FBN1: variants seen among roughly 807,000 people sequenced by gnomAD.
FBN1 encodes fibrillin-1.
FBN1 carries 29 observed loss-of-function variants against 365.1 expected under a neutral mutation model. That is an observed-to-expected ratio of 0.08 (90% CI 0.06 to 0.11). FBN1 has a LOEUF of 0.11. Ranked by LOEUF, FBN1 falls within the 10% of genes least tolerant of loss-of-function variation. The pLI is 1.00. For synonymous variants in FBN1, 1,210 were observed against 1,270.5 expected (o/e 0.95, Z 1.01); for missense variants, 2,476 against 3,703.2 (o/e 0.67, Z 8.60).
At chr15:48,421,181 A>G (rs2042938750) in intron 62 of FBN1, among the ~76,000 whole-genome samples, 1 of 152,152 alleles carries the variant, frequency 6.6e-6, no homozygotes, top group South Asian at 2.1e-4. Context: ...ATTAAATGTC[A>G]TCAGAAGAGC....
At chr15:48,455,777 T>C (rs1258337024) in intron 44 of FBN1, among the ~76,000 whole-genome samples, 2 of 152,226 alleles carry the variant, frequency 1.3e-5, no homozygotes, top group African/African-American at 4.8e-5. Context: ...TTAACAAGTA[T>C]GTGGTTAGGA....
intron 12 of FBN1, among the ~76,000 whole-genome samples, chr15:48,515,049 A>G (rs1013007157): frequency 1.3e-5 from 2 of 152,186 alleles, no homozygotes; most frequent in Non-Finnish European, 2.9e-5. Context: ...AGCCAGAGAG[A>G]GACAAAGAGA....
rs2042855174 is a variant in FBN1 at position 48,410,894 on chromosome 15, T to C, written c.*96A>G. 17 of 1,198,414 alleles carry C rather than the reference T, an allele frequency of 1.4e-5. No homozygotes were observed. The highest frequency in any genetic ancestry group is 1.4e-5 in the Non-Finnish European group (12 of 837,480). 74.2% of individuals were successfully genotyped at this position (1,198,414 alleles called of 1,614,324 possible). ...TTATACAAATTTACTTGGTGAAAGATTGTACCTATGATATGATGATTCTGA... is the reference window on the plus strand; with the variant it reads ...TTATACAAATTTACTTGGTGAAAGACTGTACCTATGATATGATGATTCTGA... On this transcript the variant is annotated 3_prime_UTR_variant, in exon 66 of 66. Coordinates refer to ENST00000316623, the MANE Select transcript of FBN1 (RefSeq NM_000138.5).
At chr15:48,491,519 T>A (rs1428799663) in intron 24 of FBN1, among the ~76,000 whole-genome samples, 1 of 152,028 alleles carries the variant, frequency 6.6e-6, no homozygotes, top group Admixed American at 6.6e-5. Flanking sequence ...CCTGGCTACT[T>A]TTTTTGTATT....
rs2042838643 is a variant in FBN1, at chr15:48,408,834, C to T, written c.*2156G>A. On this transcript the variant is annotated 3_prime_UTR_variant, in exon 66 of 66. Transcript: ENST00000316623. ...CACTGTGTGCCAACTCCATTTTCCCCTGTTGTTTGTTATAAAGAAAATCCG... is the reference window on the plus strand; with the variant it reads ...CACTGTGTGCCAACTCCATTTTCCCTTGTTGTTTGTTATAAAGAAAATCCG... 6.6e-6 allele frequency: 1 copy of T among 152,574 alleles called. No individual in the cohort carries two copies. Among genetic ancestry groups the T allele is most frequent in the South Asian group, 2.1e-4 (1 of 4,830 alleles). 9.5% of individuals were successfully genotyped at this position (152,574 alleles called of 1,614,324 possible).
intron 6 of FBN1, among the ~76,000 whole-genome samples, chr15:48,590,611 A>G (rs1301176577): frequency 2.0e-5 from 3 of 152,212 alleles, no homozygotes. Flanking sequence ...CAATCAACCT[A>G]GCTGTTGTTT....
At chr15:48,575,917 C>G (rs2044343418) in intron 6 of FBN1, among the ~76,000 whole-genome samples, 2 of 151,908 alleles carry the variant, frequency 1.3e-5, no homozygotes, top group African/African-American at 4.8e-5. Context: ...AACTGGAAAG[C>G]ATTATCCTAA....
At chr15:48,640,757 G>T (rs1279791563) in intron 2 of FBN1, among the ~76,000 whole-genome samples, 1 of 152,202 alleles carries the variant, frequency 6.6e-6, no homozygotes, top group African/African-American at 2.4e-5. Context: ...CTTCTCCAAG[G>T]TTTGGGAAAG....
intron 4 of FBN1, among the ~76,000 whole-genome samples, chr15:48,600,922 G>A (rs2044560505): frequency 6.6e-6 from 1 of 152,096 alleles, no homozygotes; most frequent in African/African-American, 2.4e-5. Flanking sequence ...ATGGCACAGG[G>A]GAACAGTTAA....
chr15:48,427,446 G>T, intron 58 of FBN1, 121 bp downstream of exon 58: 1 of 1,023,198 alleles, frequency 9.8e-7, no homozygotes, highest in African/African-American at 1.6e-5. Context: ...AATTTTTGTT[G>T]GCCTCAGCTG....
Position 48,430,989 on chromosome 15 carries a change from T to C in FBN1, c.6740-187A>G, listed in dbSNP as rs73392136. On this transcript the variant is annotated intron_variant, in intron 55 of 65. Transcript: ENST00000316623. ...ATGGAAAGGAATCTTCTAACCACCT[T>C]TGAACTTGAAGAAATTGCTCCCTAA... 7.1e-3 allele frequency among the ~76,000 whole-genome samples: 1,083 copies of C among 152,288 alleles called. 17 individuals are homozygous for C. The highest frequency in any genetic ancestry group is 0.025 in the African/African-American group (1,058 of 41,568).
chr15:48,462,425 T>A (rs1457686981), intron 42 of FBN1, among the ~76,000 whole-genome samples: 4 of 152,204 alleles, frequency 2.6e-5, no homozygotes, highest in Non-Finnish European at 5.9e-5. Flanking sequence ...TATCTCGATC[T>A]CAATATCAAG....
chr15:48,427,456 G>A, intron 58 of FBN1, 111 bp downstream of exon 58: 1 of 1,136,502 alleles, frequency 8.8e-7, no homozygotes, highest in South Asian at 1.3e-5. Flanking sequence ...GGCCTCAGCT[G>A]TGCAATTCAA....
chr15:48,529,173 T>G (rs1447536533), intron 8 of FBN1: 1 of 152,226 alleles, frequency 6.6e-6, no homozygotes, highest in Non-Finnish European at 1.5e-5. Flanking sequence ...GAGTGGTGCT[T>G]GGCTGGGAAG....
chr15:48,512,645 G>A (rs564674957), intron 13 of FBN1, among the ~76,000 whole-genome samples: 18 of 152,262 alleles, frequency 1.2e-4, no homozygotes, highest in Non-Finnish European at 1.9e-4. Flanking sequence ...TCCCTGCAAC[G>A]GACATGATCT....
intron 38 of FBN1, among the ~76,000 whole-genome samples, chr15:48,466,656 A>G (rs1255668489): frequency 6.6e-6 from 1 of 152,066 alleles, no homozygotes; most frequent in Non-Finnish European, 1.5e-5. Flanking sequence ...ACACATGCCT[A>G]TATGTATATA....
chr15:48,640,592 T>A (rs1250567553), intron 2 of FBN1, among the ~76,000 whole-genome samples: 1 of 152,126 alleles, frequency 6.6e-6, no homozygotes, highest in African/African-American at 2.4e-5. Context: ...TATGAACTGT[T>A]CCATGTGTAT....
chr15:48,537,896 T>C, intron 6 of FBN1, 88 bp from the exon 7 acceptor site: 1 of 1,325,644 alleles, frequency 7.5e-7, no homozygotes, highest in Non-Finnish European at 1.1e-6. Flanking sequence ...CTTGCTTGAC[T>C]CCAAATTGAG....
At chr15:48,437,703 T>C in intron 51 of FBN1, 65 bp downstream of exon 51, 7 of 1,544,280 alleles carry the variant, frequency 4.5e-6, no homozygotes, top group Non-Finnish European at 6.3e-6. Flanking sequence ...GCCTACAGTC[T>C]TACTTACATC....
Sources: gnomAD v4.1 joint callset for allele counts (sites outside exome capture counted in the v4.1 genomes callset) on GRCh38, gnomAD v4.1.1 for gene constraint, MANE v1.5 for transcripts, NCBI Gene and HGNC (gene_info 2026-07-23, HGNC 2026-07-21) for gene names.